THSD7B: variants seen among roughly 807,000 people sequenced by gnomAD.
THSD7B encodes thrombospondin type 1 domain containing 7B, also known as thrombospondin type-1 domain-containing protein 7B.
Under a neutral mutation model 213.6 loss-of-function variants are expected in THSD7B, and 138 were observed. That is an observed-to-expected ratio of 0.65 (90% CI 0.56 to 0.74). THSD7B has a LOEUF of 0.74. THSD7B is among the 30% of genes least tolerant of loss of function. The pLI is 0.00. For missense variants in THSD7B, 1,931 were observed against 1,991.5 expected (o/e 0.97, Z 0.58); for synonymous variants, 742 against 687.0 (o/e 1.08, Z -1.25).
intron 15 of THSD7B, among the ~76,000 whole-genome samples, chr2:137,504,725 T>C (rs1679795131): frequency 6.6e-6 from 1 of 152,246 alleles, no homozygotes; most frequent in African/African-American, 2.4e-5. Flanking sequence ...GCGAGAGTGC[T>C]GCTTTGCTGA....
intron 17 of THSD7B, among the ~76,000 whole-genome samples, chr2:137,604,563 T>C (rs1356679191): frequency 6.6e-6 from 1 of 152,166 alleles, no homozygotes; most frequent in Non-Finnish European, 1.5e-5. Context: ...ATCATTTTAA[T>C]CCCAAAAATT....
chr2:137,498,585 G>A (rs1362917756), intron 15 of THSD7B, among the ~76,000 whole-genome samples: 3 of 152,020 alleles, frequency 2.0e-5, no homozygotes, highest in African/African-American at 4.8e-5. Context: ...CTATTGGATG[G>A]GGGTATTTTT....
intron 7 of THSD7B, among the ~76,000 whole-genome samples, chr2:137,210,938 C>G (rs1681089471): frequency 6.6e-6 from 1 of 151,808 alleles, no homozygotes; most frequent in Admixed American, 6.6e-5. Context: ...TAGAATAATT[C>G]ATTTGGGGGA....
chr2:137,018,893 A>T (rs1686391832), intron 2 of THSD7B, among the ~76,000 whole-genome samples: 1 of 151,600 alleles, frequency 6.6e-6, no homozygotes, highest in South Asian at 2.1e-4. Flanking sequence ...CTCTACCCAG[A>T]CTCTTTCCTC....
At chr2:137,309,384 G>T (rs1683835375) in intron 12 of THSD7B, among the ~76,000 whole-genome samples, 2 of 150,952 alleles carry the variant, frequency 1.3e-5, no homozygotes, top group South Asian at 2.1e-4. Flanking sequence ...AAGCCTTTTT[G>T]TCACATATTT....
intron 4 of THSD7B, among the ~76,000 whole-genome samples, chr2:137,106,464 G>A (rs1236748272): frequency 6.6e-6 from 1 of 151,754 alleles, no homozygotes; most frequent in Non-Finnish European, 1.5e-5. Context: ...CTAGGCGATA[G>A]CATTCGGGAC....
intron 11 of THSD7B, among the ~76,000 whole-genome samples, chr2:137,275,471 T>G (rs982995875): frequency 6.6e-6 from 1 of 152,018 alleles, no homozygotes; most frequent in Non-Finnish European, 1.5e-5. Context: ...CTTACAGATG[T>G]TCAAACCTTT....
At chr2:137,343,077 T>G (rs536792681) in intron 12 of THSD7B, among the ~76,000 whole-genome samples, 23 of 151,872 alleles carry the variant, frequency 1.5e-4, no homozygotes, top group East Asian at 5.8e-4. Context: ...TTCTGTTTTT[T>G]TTTTTTGTTT....
intron 15 of THSD7B, among the ~76,000 whole-genome samples, chr2:137,502,554 C>T (rs1320542221): frequency 2.0e-5 from 3 of 152,104 alleles, no homozygotes; most frequent in Non-Finnish European, 4.4e-5. Context: ...TAAGTAAATG[C>T]TTCAGAATCA....
intron 5 of THSD7B, among the ~76,000 whole-genome samples, chr2:137,140,810 A>G (rs1337961102): frequency 2.0e-5 from 3 of 152,178 alleles, no homozygotes; most frequent in East Asian, 1.9e-4. Context: ...GATAAAATGG[A>G]TTATTTAACA....
chr2:137,274,444 C>T (rs926908847), intron 11 of THSD7B, among the ~76,000 whole-genome samples: 10 of 152,056 alleles, frequency 6.6e-5, no homozygotes, highest in Non-Finnish European at 2.9e-5. Context: ...AGCATGGGCG[C>T]CTTTATCCCT....
intron 1 of THSD7B, among the ~76,000 whole-genome samples, chr2:136,878,066 C>T (rs2104987657): frequency 6.6e-6 from 1 of 152,212 alleles, no homozygotes; most frequent in South Asian, 2.1e-4. Context: ...GCTATCCCTC[C>T]CACTTTCCCC....
intron 12 of THSD7B, among the ~76,000 whole-genome samples, chr2:137,399,927 T>A (rs1442750584): frequency 6.6e-6 from 1 of 152,190 alleles, no homozygotes; most frequent in East Asian, 1.9e-4. Flanking sequence ...GACTAGATTA[T>A]TTCAAATGAT....
chr2:137,011,597 C>T (rs1342533532), intron 2 of THSD7B, among the ~76,000 whole-genome samples: 5 of 152,192 alleles, frequency 3.3e-5, no homozygotes, highest in Admixed American at 3.3e-4. Flanking sequence ...AAAGCACTGT[C>T]TCACAGGAAG....
intron 3 of THSD7B, among the ~76,000 whole-genome samples, chr2:137,082,056 T>G (rs1573811316): frequency 6.6e-6 from 1 of 152,288 alleles, no homozygotes; most frequent in Middle Eastern, 3.4e-3. Context: ...TCTTACATTT[T>G]GAAGTCTGTA....
intron 1 of THSD7B, among the ~76,000 whole-genome samples, chr2:136,852,874 G>A (rs1683121332): frequency 6.6e-6 from 1 of 151,752 alleles, no homozygotes; most frequent in South Asian, 2.1e-4. Flanking sequence ...CATGTGTTTT[G>A]GCATTTCCAT....
intron 2 of THSD7B, among the ~76,000 whole-genome samples, chr2:136,984,513 G>A (rs1685638290): frequency 6.6e-6 from 1 of 152,162 alleles, no homozygotes; most frequent in Admixed American, 6.5e-5. Flanking sequence ...ATGGTTGTAA[G>A]CCTCCTGGGT....
At chr2:137,457,271 A>AT (rs34074673) in intron 15 of THSD7B, among the ~76,000 whole-genome samples, 1,925 of 152,044 alleles carry the variant, frequency 0.013, 19 homozygotes, top group Non-Finnish European at 0.021. Context: ...ATTTTACTAT[A>AT]TTTTTTCATA....
chr2:137,584,058 C>G (rs1681652654), intron 17 of THSD7B, among the ~76,000 whole-genome samples: 1 of 152,072 alleles, frequency 6.6e-6, no homozygotes, highest in South Asian at 2.1e-4. Flanking sequence ...CTTCACATCC[C>G]TTGTAAATTG....
Sources: gnomAD v4.1 joint callset for allele counts (sites outside exome capture counted in the v4.1 genomes callset) on GRCh38, gnomAD v4.1.1 for gene constraint, MANE v1.5 for transcripts, NCBI Gene and HGNC (gene_info 2026-07-23, HGNC 2026-07-21) for gene names.